SRRM3: variants seen among roughly 807,000 people sequenced by gnomAD.
SRRM3 encodes serine/arginine repetitive matrix protein 3.
SRRM3 carries 27 observed loss-of-function variants against 66.2 expected under a neutral mutation model. That is an observed-to-expected ratio of 0.41 (90% CI 0.30 to 0.56). The LOEUF is 0.56. Among genes scored for constraint, SRRM3 ranks in the 20% least tolerant of loss-of-function variants. The probability of loss-of-function intolerance (pLI) is 0.32; values close to 1 mark genes in which losing one functional copy is unlikely to be tolerated. For synonymous variants in SRRM3, 391 were observed against 414.9 expected, an observed-to-expected ratio of 0.94 and a Z score of 0.70; for missense variants, 918 against 991.9, an observed-to-expected ratio of 0.93 and a Z score of 1.00.
At chr7:76,225,680 A>C (rs1430620375) in intron 1 of SRRM3, among the ~76,000 whole-genome samples, 1 of 152,150 alleles carries the variant, frequency 6.6e-6, no homozygotes, top group Non-Finnish European at 1.5e-5. Flanking sequence ...CAAGAGTTTG[A>C]GACCAGCCTG....
At chr7:76,253,738 A>G (rs1220933352) in intron 3 of SRRM3, among the ~76,000 whole-genome samples, 1 of 148,970 alleles carries the variant, frequency 6.7e-6, no homozygotes, top group Admixed American at 6.8e-5. Flanking sequence ...CGGAGGTTGC[A>G]GTGAGCCGAG....
chr7:76,230,288 G>T (rs1241908554), intron 1 of SRRM3, among the ~76,000 whole-genome samples: 1 of 152,056 alleles, frequency 6.6e-6, no homozygotes, highest in East Asian at 1.9e-4. Context: ...TTGAGTATAG[G>T]TCAATCAATC....
intron 2 of SRRM3, among the ~76,000 whole-genome samples, chr7:76,239,633 G>A (rs1360856904): frequency 6.6e-6 from 1 of 152,074 alleles, no homozygotes; most frequent in African/African-American, 2.4e-5. Context: ...AGCCTGAGAA[G>A]TCGAGGCTGC....
intron 1 of SRRM3, among the ~76,000 whole-genome samples, chr7:76,215,458 G>C (rs1554602417): frequency 7.1e-6 from 1 of 140,672 alleles, no homozygotes; most frequent in East Asian, 2.1e-4. Context: ...ATGGAGTGCA[G>C]TAGTGTAATC....
Position 76,234,883 on chromosome 7 carries a change from C to T in SRRM3, c.-39-145C>T, listed in dbSNP as rs138888198. 89 of 592,482 alleles carry T rather than the reference C, an allele frequency of 1.5e-4. No individual in the cohort carries two copies. The African/African-American group carries it at 1.6e-3, about 11-fold the overall frequency. The allele number at this position is 592,482 out of a possible 1,614,324, so 36.7% of individuals were successfully genotyped here. ...GTGTGACCCAAAGGTGCAAACCAGCCGTCCGCTTCCCTCTGCACCAGGAAA... is the reference window on the plus strand; with the variant it reads ...GTGTGACCCAAAGGTGCAAACCAGCTGTCCGCTTCCCTCTGCACCAGGAAA... On this transcript the variant is annotated intron_variant, in intron 1 of 14. Coordinates refer to ENST00000611745, the MANE Select transcript of SRRM3 (RefSeq NM_001110199.3).
intron 3 of SRRM3, among the ~76,000 whole-genome samples, chr7:76,250,816 C>A (rs776238723): frequency 3.3e-5 from 5 of 152,198 alleles, no homozygotes; most frequent in Non-Finnish European, 7.3e-5. Context: ...CAGTAATTAT[C>A]ATAATATGCA....
intron 11 of SRRM3, among the ~76,000 whole-genome samples, chr7:76,279,446 T>C (rs1554611545): frequency 6.6e-6 from 1 of 150,470 alleles, no homozygotes; most frequent in African/African-American, 2.4e-5. Flanking sequence ...AAAAGTCAAG[T>C]TGGTAGTGGT....
In SRRM3 at chr7:76,285,978, A is replaced by C; in HGVS notation, c.*135A>C. 1 of 977,438 alleles carries C rather than the reference A, an allele frequency of 1.0e-6. No homozygotes were observed. The highest frequency in any genetic ancestry group is 1.5e-6 in the Non-Finnish European group (1 of 666,332). The allele number at this position is 977,438 out of a possible 1,614,324, so 60.5% of individuals were successfully genotyped here. ...GAGGTCTCAGGGCCAGTGCACGGGC[A>C]GATGGGACCGGGGAAGACTTTGAGG... On this transcript the variant is annotated 3_prime_UTR_variant, in exon 15 of 15. Transcript: ENST00000611745. The surrounding 1 kb of genome is among the most constrained non-coding windows in gnomAD (Gnocchi z 4.1).
chr7:76,282,793 T>G lies in SRRM3; in HGVS notation c.1516T>G (p.Ser506Ala). ...PRSWSSSRSP[S>A]KSRSRSAEKR... is the part of the protein sequence containing the mutation. ...CTCCTGGAGCTCCAGCCGCTCGCCCTCCAAATCTCGCTCGCGCTCTGCGGA... is the reference window on the plus strand; with the variant it reads ...CTCCTGGAGCTCCAGCCGCTCGCCCGCCAAATCTCGCTCGCGCTCTGCGGA... Residue 506 changes from serine (S) to alanine (A), a missense_variant, in exon 13 of 15, where the codon TCC (serine) becomes GCC (alanine). Ser to Ala is a moderately conservative substitution (Grantham distance 99, BLOSUM62 1). Transcript: ENST00000611745. The G allele has an allele frequency of 6.8e-7, 1 of 1,465,960 alleles. No homozygotes were observed. Among genetic ancestry groups the G allele is most frequent in the Non-Finnish European group, 9.0e-7 (1 of 1,114,864 alleles). The allele number at this position is 1,465,960 out of a possible 1,614,324, so 90.8% of individuals were successfully genotyped here.
At chr7:76,260,451 G>T (rs1326714961) in intron 5 of SRRM3, among the ~76,000 whole-genome samples, 3 of 49,594 alleles carry the variant, frequency 6.0e-5, no homozygotes, top group African/African-American at 1.6e-4. Context: ...CGCCCCCCAA[G>T]GAGCCCCTCC....
At chr7:76,242,715 A>G (rs139953280) in intron 2 of SRRM3, among the ~76,000 whole-genome samples, 11,995 of 152,098 alleles carry the variant, frequency 0.079, 1,128 homozygotes, top group African/African-American at 0.22. Context: ...ACAGTGACAG[A>G]TCATCAGGCA....
At chr7:76,275,840 C>G (rs1802334495) in intron 11 of SRRM3, among the ~76,000 whole-genome samples, 1 of 151,878 alleles carries the variant, frequency 6.6e-6, no homozygotes, top group South Asian at 2.1e-4. Context: ...TTTAGGAGGC[C>G]GAGGCAGGAG....
Position 76,260,185 on chromosome 7 carries a change from A to C in SRRM3, c.533A>C (p.His178Pro). 1 of 1,539,124 alleles carries C rather than the reference A, an allele frequency of 6.5e-7. No homozygotes were observed. Among genetic ancestry groups the C allele is most frequent in the Non-Finnish European group, 8.7e-7 (1 of 1,143,522 alleles). Residue 178 changes from histidine to proline, a missense_variant, in exon 5 of 15, where the codon CAC becomes CCC. Coordinates refer to ENST00000611745, the MANE Select transcript of SRRM3 (RefSeq NM_001110199.3). The part of the protein sequence containing the change: ...PKKKKKKKGG[H>P]RRSRKKRRLE... ...AAAAAGAAGAAAAAGAAAGGCGGCC[A>C]CCGGAGAAGCCGGTGAGAACCGCGC...
intron 2 of SRRM3, among the ~76,000 whole-genome samples, chr7:76,236,309 CAAA>C (rs34308296): frequency 3.5e-5 from 4 of 113,350 alleles, no homozygotes; most frequent in Admixed American, 1.8e-4. Context: ...AACTCCGTCT[CAAA>C]AAAAAAAAAA....
At chr7:76,216,103 G>A (rs1306708783) in intron 1 of SRRM3, among the ~76,000 whole-genome samples, 9 of 151,602 alleles carry the variant, frequency 5.9e-5, no homozygotes, top group Non-Finnish European at 8.8e-5. Flanking sequence ...CACCGCGCCC[G>A]GCCCACATCT....
chr7:76,204,375 G>A (rs558347784), intron 1 of SRRM3, among the ~76,000 whole-genome samples: 12 of 152,224 alleles, frequency 7.9e-5, no homozygotes, highest in African/African-American at 2.2e-4. Flanking sequence ...CTGTAACTTC[G>A]TATACATGAT....
At chr7:76,231,551 A>C (rs1254235093) in intron 1 of SRRM3, among the ~76,000 whole-genome samples, 1 of 152,210 alleles carries the variant, frequency 6.6e-6, no homozygotes, top group African/African-American at 2.4e-5. Flanking sequence ...CATGGCTCCC[A>C]GGGCTCTCAC....
chr7:76,260,209 G>A lies in SRRM3; in HGVS notation c.545+12G>A, dbSNP rs1219208264. 2.2e-5 allele frequency: 33 copies of A among 1,526,162 alleles called. No homozygotes were observed. The highest frequency in any genetic ancestry group is 2.6e-5 in the Non-Finnish European group (30 of 1,139,062). 94.5% of individuals were successfully genotyped at this position (1,526,162 alleles called of 1,614,324 possible). On this transcript the variant is annotated intron_variant, in intron 5 of 14. Coordinates refer to ENST00000611745, the MANE Select transcript of SRRM3 (RefSeq NM_001110199.3). ...CACCGGAGAAGCCGGTGAGAACCGC[G>A]CCTGACCGGAGCGGGAAGGGAGGAG...
chr7:76,227,577 G>T (rs118169629), intron 1 of SRRM3, among the ~76,000 whole-genome samples: 2,856 of 152,318 alleles, frequency 0.019, 29 homozygotes, highest in Non-Finnish European at 0.028. Flanking sequence ...TTGCTGGGAA[G>T]CCTGCCTTGA....
Sources: allele counts gnomAD v4.1 joint callset (sites outside exome capture counted in the v4.1 genomes callset), GRCh38; gene constraint gnomAD v4.1.1; non-coding constraint Gnocchi (gnomAD v3.1); transcripts MANE v1.5; gene names NCBI Gene and HGNC (gene_info 2026-07-23, HGNC 2026-07-21).